Variants in CNTN6 observed in about 807,000 individuals in gnomAD.
CNTN6 encodes contactin 6.
Under a neutral mutation model 122.8 loss-of-function variants are expected in CNTN6, and 137 were observed. That is an observed-to-expected ratio of 1.12 (90% CI 0.97 to 1.29). CNTN6 has a LOEUF of 1.29. Ranked by LOEUF, CNTN6 falls within the 50% of genes most tolerant of loss-of-function variation. The pLI is 0.00. For missense variants in CNTN6, 1,634 were observed against 1,223.4 expected (o/e 1.34, Z -5.01); for synonymous variants, 570 against 426.0 (o/e 1.34, Z -4.16).
At chr3:1,294,014 G>A (rs1219363490) in intron 5 of CNTN6, among the ~76,000 whole-genome samples, 1 of 152,172 alleles carries the variant, frequency 6.6e-6, no homozygotes, top group African/African-American at 2.4e-5. Context: ...GCTGGTGGAA[G>A]TATAAACTGA....
chr3:1,224,223 T>C (rs1246159613), intron 3 of CNTN6, among the ~76,000 whole-genome samples: 1 of 151,980 alleles, frequency 6.6e-6, no homozygotes, highest in Non-Finnish European at 1.5e-5. Context: ...AATCAACTCA[T>C]AGAAGTAGAG....
chr3:1,255,249 A>T (rs1038178880), intron 4 of CNTN6, among the ~76,000 whole-genome samples: 5 of 152,260 alleles, frequency 3.3e-5, no homozygotes, highest in Admixed American at 3.3e-4. Context: ...CTGATGGAAG[A>T]TGCTGCAAAG....
intron 1 of CNTN6, among the ~76,000 whole-genome samples, chr3:1,106,919 A>G (rs565651177): frequency 3.9e-5 from 6 of 152,262 alleles, no homozygotes; most frequent in Admixed American, 3.9e-4. Context: ...AGTTACTCAA[A>G]TATTAGTTGG....
chr3:1,317,267 C>T (rs1163278564), intron 7 of CNTN6, among the ~76,000 whole-genome samples: 2 of 151,398 alleles, frequency 1.3e-5, no homozygotes, highest in Non-Finnish European at 2.9e-5. Context: ...TCTAAAATAT[C>T]TAGAGCACAC....
rs578091373 is a variant in CNTN6 at position 1,358,933 on chromosome 3, G to T, written c.1492+6482G>T. Among the ~76,000 whole-genome samples the T allele has an allele frequency of 2.0e-5, 3 of 152,058 alleles. No individual in the cohort carries two copies. The South Asian group carries it at 6.2e-4, about 32-fold the overall frequency. On this transcript the variant is annotated intron_variant, in intron 12 of 22. Transcript: ENST00000446702. The stretch of plus-strand genomic sequence containing the variant: ...AAATTAGTAAGGCATGGTGGCATAT[G>T]CCTGTTGTCCCAGCTACTTGGGAAG...
rs528883755 is a variant in CNTN6, at chr3:1,106,890, TAAC to T, written c.-83+13773_-83+13775del. ...ATATCATTTTGGTCAATAATAATAATAACAATAAAACAGCGTTGAGTTACTCAA... is the reference window on the plus strand; with the variant it reads ...ATATCATTTTGGTCAATAATAATAATAATAAAACAGCGTTGAGTTACTCAA... On this transcript the variant is annotated intron_variant, in intron 1 of 22. Coordinates refer to ENST00000446702, the MANE Select transcript of CNTN6 (RefSeq NM_001289080.2). Among the ~76,000 whole-genome samples the T allele has an allele frequency of 1.3e-3, 192 of 152,232 alleles. 1 individual carries two copies. Among genetic ancestry groups the T allele is most frequent in the Non-Finnish European group, 2.3e-3 (156 of 67,960 alleles).
rs999979077 is a variant in CNTN6 at position 1,388,348 on chromosome 3, G to A, written c.2704+2551G>A. Among the ~76,000 whole-genome samples the A allele has an allele frequency of 3.9e-4, 57 of 146,440 alleles. 3 individuals are homozygous for A. Among genetic ancestry groups the A allele is most frequent in the Admixed American group, 2.3e-3 (33 of 14,450 alleles). ...GTATGCCAACAGACCTGAAGCTGAG[G>A]GTCCTGTCTGTTAGAAGGAAAACTA... On this transcript the variant is annotated intron_variant, in intron 20 of 22. Coordinates refer to ENST00000446702, the MANE Select transcript of CNTN6 (RefSeq NM_001289080.2).
At chr3:1,254,119 T>C (rs2094715438) in intron 4 of CNTN6, among the ~76,000 whole-genome samples, 1 of 152,178 alleles carries the variant, frequency 6.6e-6, no homozygotes, top group Non-Finnish European at 1.5e-5. Flanking sequence ...GTTAATGTTT[T>C]TGCATTTTTG....
intron 4 of CNTN6, among the ~76,000 whole-genome samples, chr3:1,268,818 C>T (rs938194945): frequency 2.0e-5 from 3 of 149,694 alleles, no homozygotes; most frequent in African/African-American, 7.3e-5. Context: ...GAAAAAAAAG[C>T]CAGTTTAAAA....
chr3:1,150,899 A>G (rs2092827247), intron 2 of CNTN6, among the ~76,000 whole-genome samples: 1 of 152,184 alleles, frequency 6.6e-6, no homozygotes, highest in Non-Finnish European at 1.5e-5. Flanking sequence ...GAGGCAGCAG[A>G]GCAGAGGGAG....
At chr3:1,240,566 C>G (rs1171293361) in intron 4 of CNTN6, among the ~76,000 whole-genome samples, 1 of 152,084 alleles carries the variant, frequency 6.6e-6, no homozygotes, top group African/African-American at 2.4e-5. Flanking sequence ...CAGTTTTACA[C>G]TGTTGGTGGG....
intron 20 of CNTN6, among the ~76,000 whole-genome samples, chr3:1,396,742 TTTTC>T (rs1481556158): frequency 2.0e-5 from 3 of 152,202 alleles, no homozygotes; most frequent in Admixed American, 2.0e-4. Context: ...CAGAATTTTC[TTTTC>T]TTTAAGGGTC....
Position 1,282,471 on chromosome 3 carries a change from T to G in CNTN6, c.454+3963T>G, listed in dbSNP as rs560501132. ...TAGGCACCATTCTCTGTAATCTGAGTGGAGGAGTATATTTCTCTTTTAATC... is the reference window on the plus strand; with the variant it reads ...TAGGCACCATTCTCTGTAATCTGAGGGGAGGAGTATATTTCTCTTTTAATC... On this transcript the variant is annotated intron_variant, in intron 5 of 22. Transcript: ENST00000446702. 3.3e-5 allele frequency among the ~76,000 whole-genome samples: 5 copies of G among 152,310 alleles called. No homozygotes were observed. In the South Asian group the frequency reaches 1.0e-3, roughly 32 times the overall value.
chr3:1,228,565 C>T (rs888930537), intron 4 of CNTN6, among the ~76,000 whole-genome samples: 3 of 152,118 alleles, frequency 2.0e-5, no homozygotes, highest in South Asian at 4.1e-4. Flanking sequence ...AGACATACTG[C>T]GTCTAATATC....
intron 8 of CNTN6, among the ~76,000 whole-genome samples, chr3:1,325,009 G>A (rs1429703936): frequency 6.6e-6 from 1 of 151,792 alleles, no homozygotes; most frequent in Non-Finnish European, 1.5e-5. Context: ...ACTAAATAAA[G>A]GAGAGGGATT....
At chr3:1,322,870 GA>G (rs1332184136) in intron 8 of CNTN6, among the ~76,000 whole-genome samples, 1 of 151,392 alleles carries the variant, frequency 6.6e-6, no homozygotes, top group African/African-American at 2.4e-5. Context: ...ACCTAGCCAA[GA>G]AAAACAATAT....
chr3:1,102,230 A>G (rs1200457739), intron 1 of CNTN6, among the ~76,000 whole-genome samples: 1 of 152,194 alleles, frequency 6.6e-6, no homozygotes, highest in Non-Finnish European at 1.5e-5. Context: ...GTGGTTGTGT[A>G]AGGAGCTCTA....
chr3:1,366,089 T>C (rs906205357), intron 12 of CNTN6, among the ~76,000 whole-genome samples: 2 of 152,160 alleles, frequency 1.3e-5, no homozygotes, highest in African/African-American at 4.8e-5. Context: ...ACTGAATCAG[T>C]ATTTCTGGTG....
intron 1 of CNTN6, among the ~76,000 whole-genome samples, chr3:1,099,322 G>C (rs1254195636): frequency 6.6e-6 from 1 of 151,716 alleles, no homozygotes; most frequent in Non-Finnish European, 1.5e-5. Context: ...GTGGTGGCGG[G>C]CGCCTGTAGT....
Sources: allele counts gnomAD v4.1 joint callset (sites outside exome capture counted in the v4.1 genomes callset), GRCh38; gene constraint gnomAD v4.1.1; transcripts MANE v1.5; gene names NCBI Gene and HGNC (gene_info 2026-07-23, HGNC 2026-07-21).